ZNF469: variants seen among roughly 807,000 people sequenced by gnomAD.
ZNF469 encodes the protein zinc finger protein 469.
Under a neutral mutation model 1.0 loss-of-function variants are expected in ZNF469, and 1 was observed. The ratio of observed to expected loss-of-function variants is 1.00; its 90% CI spans 0.35 to 4.73. The LOEUF (loss-of-function observed/expected upper bound fraction) is 4.73, where lower values mean the gene tolerates loss of function less well. ZNF469 is among the 30% of genes most tolerant of loss of function. The pLI is 0.16. For synonymous variants in ZNF469, 2,703 were observed against 2,363.4 expected (o/e 1.14, Z -4.17); for missense variants, 6,100 against 5,356.3 (o/e 1.14, Z -4.33).
At chr16:88,234,896 C>T in the ZNF469 span, 1 of 152,216 alleles carries the variant, frequency 6.6e-6, no homozygotes, top group South Asian at 2.1e-4. Flanking sequence ...GGAATTCACG[C>T]AGAAGCTGTA....
At chr16:88,352,275 C>G in the ZNF469 span, among the ~76,000 whole-genome samples, 1 of 152,190 alleles carries the variant, frequency 6.6e-6, no homozygotes, top group Non-Finnish European at 1.5e-5. Context: ...ATGGTGGCAG[C>G]GGTGAATTTT....
At chr16:88,151,791 G>A in the ZNF469 span, among the ~76,000 whole-genome samples, 5 of 152,328 alleles carry the variant, frequency 3.3e-5, no homozygotes, top group Admixed American at 2.0e-4. The surrounding 1 kb of genome is among the most constrained non-coding windows in gnomAD (Gnocchi z 5.4). Context: ...CCAAGAACCT[G>A]AGCCCAGGCT....
At chr16:88,294,197 G>A in the ZNF469 span, among the ~76,000 whole-genome samples, 1 of 152,244 alleles carries the variant, frequency 6.6e-6, no homozygotes, top group African/African-American at 2.4e-5. Context: ...AAGATCAGCT[G>A]AAACTGTCTT....
chr16:88,192,763 ATG>A, the ZNF469 span, among the ~76,000 whole-genome samples: 112 of 81,508 alleles, frequency 1.4e-3, no homozygotes, highest in African/African-American at 1.9e-3. Context: ...GGTGATGATC[ATG>A]ATGGTGATGA....
the ZNF469 span, among the ~76,000 whole-genome samples, chr16:88,226,532 G>A: frequency 6.6e-6 from 1 of 152,118 alleles, no homozygotes; most frequent in African/African-American, 2.4e-5. Context: ...CTCCGGAGTT[G>A]GGAGAGAGGA....
At chr16:88,393,930 G>A (rs753415978) in intron 1 of ZNF469, among the ~76,000 whole-genome samples, 33 of 152,254 alleles carry the variant, frequency 2.2e-4, no homozygotes, top group Non-Finnish European at 4.0e-4. Flanking sequence ...GGAAGGAGGG[G>A]CTCATGCTAC....
In ZNF469 at chr16:88,429,139, G is replaced by A; in HGVS notation, c.1669G>A (p.Gly557Arg). The A allele has an allele frequency of 1.3e-6, 2 of 1,549,950 alleles. No homozygotes were observed. The highest frequency in any genetic ancestry group is 1.7e-6 in the Non-Finnish European group (2 of 1,146,862). Residue 557 changes from glycine (G) to arginine (R), a missense_variant, in exon 3 of 3, where the codon GGG becomes AGG. By Grantham distance (125) the Gly-to-Arg change is moderately radical. Coordinates refer to ENST00000565624, the MANE Select transcript of ZNF469 (RefSeq NM_001367624.2). ...CACCTACAACGGAATGACAGACCCT[G>A]GGGCTCAGCCCCTGTTCTTCGGGGT... ...LFTYNGMTDPGAQPLFFGVAQ... is the reference protein window; with the variant it reads ...LFTYNGMTDPRAQPLFFGVAQ...
the ZNF469 span, among the ~76,000 whole-genome samples, chr16:88,187,266 G>C: frequency 6.6e-6 from 1 of 152,234 alleles, no homozygotes; most frequent in Non-Finnish European, 1.5e-5. Context: ...GGCCTCCCAG[G>C]TCCGACCGGA....
chr16:88,209,874 G>C, the ZNF469 span, among the ~76,000 whole-genome samples: 2 of 152,188 alleles, frequency 1.3e-5, no homozygotes, highest in African/African-American at 2.4e-5. Context: ...GAATAAACCT[G>C]TGCATCTGTT....
the ZNF469 span, among the ~76,000 whole-genome samples, chr16:88,247,993 G>T: frequency 6.6e-6 from 1 of 152,160 alleles, no homozygotes; most frequent in Non-Finnish European, 1.5e-5. Flanking sequence ...CGGCTGGACG[G>T]AAGGCTATCA....
At chr16:88,224,396 G>A in the ZNF469 span, among the ~76,000 whole-genome samples, 5 of 152,354 alleles carry the variant, frequency 3.3e-5, no homozygotes, top group South Asian at 2.1e-4. Flanking sequence ...CTGTTGGCGC[G>A]GATGAGGTGT....
the ZNF469 span, among the ~76,000 whole-genome samples, chr16:88,139,119 G>C: frequency 1.3e-5 from 2 of 152,266 alleles, no homozygotes; most frequent in Admixed American, 1.3e-4. Context: ...AAATGAGAGG[G>C]TGTTTCGGAG....
the ZNF469 span, among the ~76,000 whole-genome samples, chr16:88,127,300 GA>G: frequency 2.0e-5 from 3 of 152,262 alleles, no homozygotes; most frequent in South Asian, 6.2e-4. Context: ...AAGTTTGTAT[GA>G]GTTTGACGTC....
At chr16:88,197,562 G>C in the ZNF469 span, among the ~76,000 whole-genome samples, 1 of 152,208 alleles carries the variant, frequency 6.6e-6, no homozygotes, top group Non-Finnish European at 1.5e-5. Context: ...CATTGTATTA[G>C]TCATCCACTG....
At chr16:88,310,134 G>A in the ZNF469 span, among the ~76,000 whole-genome samples, 2 of 152,186 alleles carry the variant, frequency 1.3e-5, no homozygotes, top group Non-Finnish European at 2.9e-5. Context: ...CCAATGGGGA[G>A]GGAAGGGGTC....
At chr16:88,296,119 C>T in the ZNF469 span, among the ~76,000 whole-genome samples, 3 of 152,302 alleles carry the variant, frequency 2.0e-5, no homozygotes, top group Admixed American at 2.0e-4. Flanking sequence ...CAGATCCCTT[C>T]CTGCGACAGG....
At chr16:88,334,656 A>C in the ZNF469 span, among the ~76,000 whole-genome samples, 2 of 152,230 alleles carry the variant, frequency 1.3e-5, no homozygotes, top group South Asian at 4.1e-4. Context: ...ATTTCATATA[A>C]GGGTGTCGGC....
At chr16:88,397,569 A>G (rs1051061899) in intron 1 of ZNF469, among the ~76,000 whole-genome samples, 5 of 151,550 alleles carry the variant, frequency 3.3e-5, no homozygotes, top group African/African-American at 1.2e-4. Context: ...AATATTTATA[A>G]GGCATATATG....
At position 88,436,883 on chromosome 16, in the gene ZNF469, C is replaced by T. The variant is rs1052448547; in HGVS notation, c.9413C>T (p.Thr3138Met). The change falls in exon 3 of 3, where the codon ACG becomes ATG. Residue 3138 changes from threonine to methionine, a missense_variant. Transcript: ENST00000565624. Reference protein sequence around the residue: ...GELDLHKLAHTPAPPPTCYMC... With the variant: ...GELDLHKLAHMPAPPPTCYMC... Reference sequence around the variant, plus strand: ...CTGGACCTGCACAAGCTGGCCCACACGCCCGCGCCGCCGCCCACCTGCTAC... The same window carrying T: ...CTGGACCTGCACAAGCTGGCCCACATGCCCGCGCCGCCGCCCACCTGCTAC... 17 of 1,505,890 alleles carry T rather than the reference C, an allele frequency of 1.1e-5. No homozygotes were observed. The highest frequency in any genetic ancestry group is 5.6e-5 in the African/African-American group (4 of 71,890). The allele number at this position is 1,505,890 out of a possible 1,614,324, so 93.3% of individuals were successfully genotyped here.
Sources: gnomAD v4.1 joint callset for allele counts (sites outside exome capture counted in the v4.1 genomes callset) on GRCh38, gnomAD v4.1.1 for gene constraint, Gnocchi (gnomAD v3.1) non-coding constraint, MANE v1.5 for transcripts, NCBI Gene and HGNC (gene_info 2026-07-23, HGNC 2026-07-21) for gene names.